STXBP5L: variants seen among roughly 807,000 people sequenced by gnomAD.
STXBP5L encodes the protein syntaxin binding protein 5L, also known as syntaxin-binding protein 5-like.
In STXBP5L, 65 loss-of-function variants were observed where a neutral mutation model predicts 144.5. The observed-to-expected ratio is 0.45, with a 90% confidence interval of 0.37 to 0.55. The LOEUF is 0.55. STXBP5L is among the 20% of genes least tolerant of loss of function. STXBP5L has a pLI of 0.00. For missense variants in STXBP5L, 1,298 were observed against 1,405.5 expected, an observed-to-expected ratio of 0.92 and a Z score of 1.22; for synonymous variants, 505 against 469.6, an observed-to-expected ratio of 1.08 and a Z score of -0.97.
chr3:120,949,793 C>T (rs1211419884), intron 2 of STXBP5L, among the ~76,000 whole-genome samples: 1 of 152,090 alleles, frequency 6.6e-6, no homozygotes, highest in East Asian at 1.9e-4. Flanking sequence ...TATTTTTATA[C>T]CAGTACCATG....
chr3:120,917,513 G>A (rs1559871297), intron 2 of STXBP5L, among the ~76,000 whole-genome samples: 1 of 152,104 alleles, frequency 6.6e-6, no homozygotes, highest in Admixed American at 6.6e-5. Flanking sequence ...GTAGGGTGGG[G>A]AATAGAGGTA....
At chr3:121,075,885 C>T (rs889863269) in intron 5 of STXBP5L, among the ~76,000 whole-genome samples, 1 of 152,204 alleles carries the variant, frequency 6.6e-6, no homozygotes, top group Non-Finnish European at 1.5e-5. Context: ...TCTCCAGCCT[C>T]TAGAGAGCAG....
chr3:121,022,472 A>G (rs557759963), intron 3 of STXBP5L, among the ~76,000 whole-genome samples: 1 of 152,260 alleles, frequency 6.6e-6, no homozygotes, highest in Non-Finnish European at 1.5e-5. Flanking sequence ...TAAACTATAG[A>G]CTAATATCCC....
chr3:120,978,333 G>A (rs636934), intron 3 of STXBP5L, among the ~76,000 whole-genome samples: 57,090 of 151,928 alleles, frequency 0.38, 10,925 homozygotes, highest in Non-Finnish European at 0.4. Context: ...CCAGTTGTTC[G>A]CATCAGCTCT....
chr3:121,221,886 C>G lies in STXBP5L; in HGVS notation c.957-1117C>G, dbSNP rs1314360729. 3.6e-4 allele frequency among the ~76,000 whole-genome samples: 54 copies of G among 151,358 alleles called. 3 individuals carry two copies. The highest frequency in any genetic ancestry group is 3.5e-3 in the Admixed American group (53 of 15,160). On this transcript the variant is annotated intron_variant, in intron 10 of 26. Coordinates refer to ENST00000471454, the MANE Select transcript of STXBP5L (RefSeq NM_001308330.2). ...ATAGAAGCTTTGTTAAAAAAAAAAC[C>G]CTTTTTGGTTATATAGCCAGCATAA...
intron 10 of STXBP5L, among the ~76,000 whole-genome samples, chr3:121,207,420 G>T (rs1002195165): frequency 6.6e-6 from 1 of 152,060 alleles, no homozygotes; most frequent in African/African-American, 2.4e-5. Context: ...ACATAGACGT[G>T]GGCAAGGACT....
chr3:121,022,254 A>G (rs1945611055), intron 3 of STXBP5L, among the ~76,000 whole-genome samples: 1 of 152,122 alleles, frequency 6.6e-6, no homozygotes, highest in Admixed American at 6.5e-5. Context: ...CTAAATAGTA[A>G]CAAGCAGCAA....
At chr3:120,985,414 C>CT (rs1397357202) in intron 3 of STXBP5L, among the ~76,000 whole-genome samples, 1 of 151,948 alleles carries the variant, frequency 6.6e-6, no homozygotes, top group Non-Finnish European at 1.5e-5. Context: ...AAATATGTAT[C>CT]TTTTTTGTAG....
chr3:121,268,708 C>T (rs1329379237), intron 18 of STXBP5L, among the ~76,000 whole-genome samples: 10 of 151,908 alleles, frequency 6.6e-5, no homozygotes, highest in Admixed American at 5.2e-4. Flanking sequence ...AAACCACGGC[C>T]ACTTTCTAAA....
intron 3 of STXBP5L, among the ~76,000 whole-genome samples, chr3:120,965,130 T>A (rs1939399311): frequency 6.6e-6 from 1 of 152,236 alleles, no homozygotes; most frequent in Non-Finnish European, 1.5e-5. Context: ...TCCATTTGCT[T>A]GGTAGATCTT....
intron 22 of STXBP5L, among the ~76,000 whole-genome samples, chr3:121,401,482 T>A: frequency 6.9e-6 from 1 of 145,668 alleles, no homozygotes; most frequent in African/African-American, 2.6e-5. Context: ...TAGCAAAGAC[T>A]TGGAACCAAC....
chr3:121,126,362 A>G (rs2044703440), intron 7 of STXBP5L, among the ~76,000 whole-genome samples: 1 of 152,200 alleles, frequency 6.6e-6, no homozygotes, highest in Non-Finnish European at 1.5e-5. Flanking sequence ...TCTGGCCTTT[A>G]CATAAAAAGT....
intron 7 of STXBP5L, among the ~76,000 whole-genome samples, chr3:121,136,921 CT>C (rs968495954): frequency 6.6e-6 from 1 of 152,116 alleles, no homozygotes; most frequent in African/African-American, 2.4e-5. Context: ...AGGTCATGGC[CT>C]TTTCAGCACA....
chr3:121,342,776 T>C (rs2044769753), intron 20 of STXBP5L, among the ~76,000 whole-genome samples: 1 of 146,934 alleles, frequency 6.8e-6, no homozygotes, highest in South Asian at 2.3e-4. Flanking sequence ...TTCCAAGTCT[T>C]TGCTATTGTG....
chr3:121,339,022 A>T (rs2044611790), intron 20 of STXBP5L, among the ~76,000 whole-genome samples: 1 of 152,196 alleles, frequency 6.6e-6, no homozygotes, highest in South Asian at 2.1e-4. Context: ...ACTGAGAAAG[A>T]AGGAATCCTT....
At chr3:121,073,062 A>T (rs184056999) in intron 5 of STXBP5L, among the ~76,000 whole-genome samples, 1 of 152,374 alleles carries the variant, frequency 6.6e-6, no homozygotes, top group Non-Finnish European at 1.5e-5. Context: ...CTGCACATCC[A>T]GCCCGTCTGA....
intron 20 of STXBP5L, among the ~76,000 whole-genome samples, chr3:121,346,418 G>T (rs572995166): frequency 6.6e-6 from 1 of 152,140 alleles, no homozygotes; most frequent in East Asian, 1.9e-4. Context: ...ACATACATGT[G>T]CATGTGTCTT....
chr3:121,241,277 C>G (rs1026797554), intron 14 of STXBP5L, among the ~76,000 whole-genome samples: 1 of 152,052 alleles, frequency 6.6e-6, no homozygotes, highest in Admixed American at 6.6e-5. Context: ...CAAAATCTAG[C>G]TCTCTTTAAT....
At chr3:121,256,007 G>C (rs1054480300) in intron 16 of STXBP5L, among the ~76,000 whole-genome samples, 2 of 152,072 alleles carry the variant, frequency 1.3e-5, no homozygotes, top group African/African-American at 4.8e-5. Context: ...GATAAACCTA[G>C]GTTTTAATTC....
Sources: allele counts gnomAD v4.1 joint callset (sites outside exome capture counted in the v4.1 genomes callset), GRCh38; gene constraint gnomAD v4.1.1; transcripts MANE v1.5; gene names NCBI Gene and HGNC (gene_info 2026-07-23, HGNC 2026-07-21).